TTLL7: variants seen among roughly 807,000 people sequenced by gnomAD.
TTLL7 encodes the protein tubulin polyglutamylase TTLL7.
A neutral mutation model predicts 120.2 loss-of-function variants in TTLL7; 53 were observed. That is an observed-to-expected ratio of 0.44 (90% CI 0.35 to 0.55). The LOEUF (loss-of-function observed/expected upper bound fraction) is 0.55, where lower values mean the gene tolerates loss of function less well. TTLL7 is among the 20% of genes least tolerant of loss of function. The pLI, the probability that TTLL7 is intolerant of heterozygous loss-of-function variation, is 0.00. For missense variants in TTLL7, 803 were observed against 1,054.7 expected (o/e 0.76, Z 3.31); for synonymous variants, 353 against 351.7 (o/e 1.00, Z -0.04).
intron 7 of TTLL7, among the ~76,000 whole-genome samples, chr1:83,938,607 G>A (rs1304269446): frequency 6.6e-6 from 1 of 152,064 alleles, no homozygotes; most frequent in African/African-American, 2.4e-5. Context: ...ATACTGTGCA[G>A]GTGTACAGTA....
Position 83,890,316 on chromosome 1 carries a change from C to T in TTLL7, c.2369+5G>A. On this transcript the variant is annotated splice_donor_5th_base_variant and intron_variant, in intron 19 of 20. Transcript: ENST00000260505. ...GACGATAATAAAAGATGACTTAGAG[C>T]TTACCCTGAATCACAGAAACAGTTC... 2 of 1,608,726 alleles carry T rather than the reference C, an allele frequency of 1.2e-6. No homozygotes were observed. The highest frequency in any genetic ancestry group is 1.1e-5 in the South Asian group (1 of 89,986).
chr1:83,917,515 A>T (rs1658291870), intron 14 of TTLL7, 89 bp downstream of exon 14: 1 of 966,236 alleles, frequency 1.0e-6, no homozygotes, highest in Non-Finnish European at 1.6e-6. Flanking sequence ...TTCCTTTTTT[A>T]AAGCAGCACC....
chr1:83,889,027 T>C (rs1655211189), intron 19 of TTLL7, among the ~76,000 whole-genome samples: 1 of 151,988 alleles, frequency 6.6e-6, no homozygotes, highest in African/African-American at 2.4e-5. Context: ...ATTAGTCCAT[T>C]CTCGCACTGC....
chr1:83,867,732 T>A lies in TTLL7; in HGVS notation c.*2230A>T, dbSNP rs1653011487. The A allele has an allele frequency of 7.2e-6, 1 of 139,668 alleles. No individual in the cohort carries two copies. Among genetic ancestry groups the A allele is most frequent in the Admixed American group, 7.0e-5 (1 of 14,220 alleles). The allele number at this position is 139,668 out of a possible 1,614,324, so 8.7% of individuals were successfully genotyped here. A position where few individuals can be genotyped will look rare whatever the true frequency, so the allele number is the denominator to read the frequency against. ...TGGGCTGTTATCATATATCAGACAC[T>A]TATATATATATTTTTGTGGCCAAAT... On this transcript the variant is annotated 3_prime_UTR_variant, in exon 21 of 21. Transcript: ENST00000260505.
chr1:83,952,278 C>G lies in TTLL7; in HGVS notation c.-67G>C, dbSNP rs1571292825. On this transcript the variant is annotated 5_prime_UTR_variant, in exon 2 of 21. Coordinates refer to ENST00000260505, the MANE Select transcript of TTLL7 (RefSeq NM_024686.6). Reference sequence around the variant, plus strand: ...CAAGCTCTCAGGAAATCTGGAAATTCCACATTAGTCTAAGTAGGATATGGC... The same window carrying G: ...CAAGCTCTCAGGAAATCTGGAAATTGCACATTAGTCTAAGTAGGATATGGC... The G allele has an allele frequency of 6.4e-7, 1 of 1,570,136 alleles. No individual in the cohort carries two copies. Among genetic ancestry groups the G allele is most frequent in the East Asian group, 2.2e-5 (1 of 44,544 alleles).
At chr1:83,939,108 TG>T (rs755555634) in intron 7 of TTLL7, among the ~76,000 whole-genome samples, 22 of 152,294 alleles carry the variant, frequency 1.4e-4, no homozygotes, top group Non-Finnish European at 3.1e-4. Flanking sequence ...CAATCTCCGC[TG>T]GGCACTGCGG....
intron 1 of TTLL7, among the ~76,000 whole-genome samples, chr1:83,957,522 C>A (rs760844262): frequency 3.3e-5 from 5 of 152,036 alleles, no homozygotes. Context: ...TTTATTTAGT[C>A]CACCCAACAA....
chr1:83,893,814 T>C (rs1655988854), intron 18 of TTLL7, among the ~76,000 whole-genome samples: 1 of 151,974 alleles, frequency 6.6e-6, no homozygotes, highest in Non-Finnish European at 1.5e-5. Context: ...GGGGCAGTAA[T>C]ACAAATCCTA....
At position 83,976,335 on chromosome 1, in the gene TTLL7, A is replaced by C. The variant is rs369900329; in HGVS notation, c.-177+22596T>G. Among the ~76,000 whole-genome samples, 20 of 152,054 alleles carry C rather than the reference A, an allele frequency of 1.3e-4. No individual in the cohort carries two copies. In the East Asian group the frequency reaches 3.9e-3, roughly 29 times the overall value. On this transcript the variant is annotated intron_variant, in intron 1 of 20. Coordinates refer to ENST00000260505, the MANE Select transcript of TTLL7 (RefSeq NM_024686.6). ...TACAAGGTAGAATTAACTGTCCTTC[A>C]GTGTATTACCAATCTTAAAAACTCA...
chr1:83,985,958 G>A (rs1196410278), intron 1 of TTLL7, among the ~76,000 whole-genome samples: 1 of 152,114 alleles, frequency 6.6e-6, no homozygotes, highest in Admixed American at 6.5e-5. Flanking sequence ...GACCAAGGTG[G>A]TTTTATTATG....
At chr1:83,994,156 G>C (rs1341931471) in intron 1 of TTLL7, among the ~76,000 whole-genome samples, 2 of 152,202 alleles carry the variant, frequency 1.3e-5, no homozygotes, top group Non-Finnish European at 2.9e-5. Flanking sequence ...CCTGAAAAGT[G>C]GGGTGGGAAT....
rs546515023 is a variant in TTLL7, at chr1:83,993,955, C to T, written c.-177+4976G>A. On this transcript the variant is annotated intron_variant, in intron 1 of 20. Coordinates refer to ENST00000260505, the MANE Select transcript of TTLL7 (RefSeq NM_024686.6). ...TAACTTTTCTACTTTAACTTAACTC[C>T]AGGAAAAATATTTGCTAAGCTCACT... 2.0e-5 allele frequency among the ~76,000 whole-genome samples: 3 copies of T among 152,264 alleles called. No individual in the cohort carries two copies. In the South Asian group the frequency reaches 6.2e-4, roughly 32 times the overall value.
intron 14 of TTLL7, among the ~76,000 whole-genome samples, 191 bp from the exon 15 acceptor site, chr1:83,911,554 T>G (rs573411072): frequency 9.2e-5 from 14 of 152,202 alleles, no homozygotes; most frequent in Admixed American, 9.2e-4. Flanking sequence ...CTGCAAAATA[T>G]TCTTTCTTAA....
chr1:83,988,842 G>A (rs1162154890), intron 1 of TTLL7, among the ~76,000 whole-genome samples: 1 of 152,000 alleles, frequency 6.6e-6, no homozygotes, highest in Non-Finnish European at 1.5e-5. Context: ...CCAAGTAGCT[G>A]GAACTAGAGG....
intron 10 of TTLL7, among the ~76,000 whole-genome samples, chr1:83,924,356 G>A (rs1489006527): frequency 1.3e-5 from 2 of 152,034 alleles, no homozygotes; most frequent in Admixed American, 6.5e-5. Context: ...TGTGGTATTC[G>A]TATACATACA....
At chr1:83,921,439 T>A in intron 10 of TTLL7, 45 bp from the exon 11 acceptor site, 1 of 1,593,018 alleles carries the variant, frequency 6.3e-7, no homozygotes, top group South Asian at 1.1e-5. Flanking sequence ...TCGAACAAGT[T>A]CTGATCTTAT....
At chr1:83,966,844 C>G (rs140704219) in intron 1 of TTLL7, among the ~76,000 whole-genome samples, 69 of 152,054 alleles carry the variant, frequency 4.5e-4, no homozygotes, top group African/African-American at 1.6e-3. Flanking sequence ...ATGTCAGAAG[C>G]TGAAAGAAAA....
chr1:83,950,100 A>G, intron 3 of TTLL7, 114 bp from the exon 4 acceptor site: 1 of 923,108 alleles, frequency 1.1e-6, no homozygotes, highest in Non-Finnish European at 1.6e-6. Context: ...GAAAAATATT[A>G]GTTACAGCCT....
In TTLL7 at chr1:83,869,902, C is replaced by T; in HGVS notation, c.*60G>A. 1 of 1,578,464 alleles carries T rather than the reference C, an allele frequency of 6.3e-7. No individual in the cohort carries two copies. The highest frequency in any genetic ancestry group is 8.6e-7 in the Non-Finnish European group (1 of 1,168,652). Reference sequence around the variant, plus strand: ...ATGGTCATGTTCTTTGCATGTTCAACTTCAGAGGAAAAAAATGAATTGCTG... The same window carrying T: ...ATGGTCATGTTCTTTGCATGTTCAATTTCAGAGGAAAAAAATGAATTGCTG... On this transcript the variant is annotated 3_prime_UTR_variant, in exon 21 of 21. Transcript: ENST00000260505.
Sources: gnomAD v4.1 joint callset for allele counts (sites outside exome capture counted in the v4.1 genomes callset) on GRCh38, gnomAD v4.1.1 for gene constraint, MANE v1.5 for transcripts, NCBI Gene and HGNC (gene_info 2026-07-23, HGNC 2026-07-21) for gene names.